DNAAF10: variants seen among roughly 807,000 people sequenced by gnomAD.
DNAAF10 encodes the protein dynein axonemal assembly factor 10.
Under a neutral mutation model 43.7 loss-of-function variants are expected in DNAAF10, and 28 were observed. The ratio of observed to expected loss-of-function variants is 0.64; its 90% CI spans 0.48 to 0.88. DNAAF10 has a LOEUF of 0.88. Among genes scored for constraint, DNAAF10 ranks in the 40% least tolerant of loss-of-function variants. DNAAF10 has a pLI of 0.00. For synonymous variants in DNAAF10, 156 were observed against 157.3 expected (o/e 0.99, Z 0.06); for missense variants, 403 against 439.1 (o/e 0.92, Z 0.73).
At chr2:68,137,458 T>G (rs371876103) in intron 5 of DNAAF10, 25 bp from the exon 6 acceptor site, 31 of 1,598,312 alleles carry the variant, frequency 1.9e-5, no homozygotes, top group South Asian at 1.8e-4. Context: ...TACTTATTAT[T>G]GGTAGTCTCA....
At chr2:68,131,861 C>T (rs1013542723) in intron 7 of DNAAF10, 3 of 190,934 alleles carry the variant, frequency 1.6e-5, no homozygotes, top group East Asian at 2.5e-4. Flanking sequence ...CTGTAAGTAA[C>T]ATTTGCAGAA....
At chr2:68,149,565 CAG>C (rs1365828045) in intron 1 of DNAAF10, among the ~76,000 whole-genome samples, 2 of 152,152 alleles carry the variant, frequency 1.3e-5, no homozygotes, top group Non-Finnish European at 2.9e-5. Flanking sequence ...TGGGGCAACA[CAG>C]AGGATCAAAA....
At chr2:68,149,174 G>A (rs571230508) in intron 1 of DNAAF10, among the ~76,000 whole-genome samples, 4 of 152,208 alleles carry the variant, frequency 2.6e-5, no homozygotes, top group South Asian at 2.1e-4. Context: ...CAATTTTCAC[G>A]AATAAAATAG....
At chr2:68,151,487 A>AT (rs1319373323) in intron 1 of DNAAF10, among the ~76,000 whole-genome samples, 8 of 152,200 alleles carry the variant, frequency 5.3e-5, no homozygotes, top group Non-Finnish European at 1.2e-4. Flanking sequence ...ATCATCCATT[A>AT]TACTTATCAA....
At chr2:68,153,171 T>A (rs1673496888) in intron 1 of DNAAF10, among the ~76,000 whole-genome samples, 1 of 152,074 alleles carries the variant, frequency 6.6e-6, no homozygotes, top group Admixed American at 6.5e-5. Flanking sequence ...GACACCTTTG[T>A]GTGGTGCAAA....
intron 1 of DNAAF10, among the ~76,000 whole-genome samples, chr2:68,155,491 C>T (rs1298385359): frequency 6.8e-6 from 1 of 148,126 alleles, no homozygotes; most frequent in African/African-American, 2.5e-5. Context: ...CAGACTCCGT[C>T]TCAAAAAAAA....
At chr2:68,138,690 G>C (rs568418076) in intron 5 of DNAAF10, 52 bp downstream of exon 5, 3 of 1,308,462 alleles carry the variant, frequency 2.3e-6, no homozygotes, top group Non-Finnish European at 3.3e-6. Flanking sequence ...ATAGTTCAGA[G>C]GTGAATGGAA....
chr2:68,134,394 C>G, intron 7 of DNAAF10: 1 of 1,104,280 alleles, frequency 9.1e-7, no homozygotes, highest in Non-Finnish European at 1.1e-6. Flanking sequence ...CTTTTAGAGG[C>G]AGTGAGTGTT....
intron 4 of DNAAF10, among the ~76,000 whole-genome samples, chr2:68,140,909 G>A (rs1319281999): frequency 6.6e-6 from 1 of 152,146 alleles, no homozygotes; most frequent in Non-Finnish European, 1.5e-5. Flanking sequence ...ATACAACAAT[G>A]ACTGACACAG....
chr2:68,134,369 G>A, intron 7 of DNAAF10: 1 of 1,076,972 alleles, frequency 9.3e-7, no homozygotes, highest in Non-Finnish European at 1.1e-6. Context: ...TTTAGGCAAG[G>A]AACCCTTTCC....
In DNAAF10 at chr2:68,157,373, C is replaced by T. The variant is rs773607630; in HGVS notation, c.71G>A (p.Cys24Tyr). 6.2e-7 allele frequency: 1 copy of T among 1,614,204 alleles called. No individual in the cohort carries two copies. Among genetic ancestry groups the T allele is most frequent in the South Asian group, 1.1e-5 (1 of 91,086 alleles). The change falls in exon 1 of 8, where the codon TGT becomes TAT. Residue 24 changes from cysteine (C) to tyrosine (Y), a missense_variant. Coordinates refer to ENST00000295121, the MANE Select transcript of DNAAF10 (RefSeq NM_138458.4). ...TTTGGCGCTGCAGGGCACCCACTTA[C>T]AGTCAAACACCGTGTAGTTGAAGCC... is the stretch of plus-strand genomic sequence containing the variant. ...QKGFNYTVFD[C>Y]KWVPCSAKFV...
rs1222517741 is a variant in DNAAF10, at chr2:68,129,891, A to C, written c.*1347T>G. 6.6e-6 allele frequency: 1 copy of C among 152,058 alleles called. No homozygotes were observed. Among genetic ancestry groups the C allele is most frequent in the Non-Finnish European group, 1.5e-5 (1 of 68,006 alleles). The allele number at this position is 152,058 out of a possible 1,614,324, so 9.4% of individuals were successfully genotyped here. ...TCTCAAAAACAGAAGTTTATTCATA[A>C]AATGCATTTTTAAAGTATGACCAAA... On this transcript the variant is annotated 3_prime_UTR_variant, in exon 8 of 8. Transcript: ENST00000295121.
At chr2:68,146,950 C>A (rs906456689) in intron 2 of DNAAF10, among the ~76,000 whole-genome samples, 5 of 151,990 alleles carry the variant, frequency 3.3e-5, no homozygotes, top group African/African-American at 7.2e-5. Flanking sequence ...AGGTAAAACA[C>A]GAAAAAGGCA....
chr2:68,155,620 G>T (rs1673578191), intron 1 of DNAAF10, among the ~76,000 whole-genome samples: 1 of 152,130 alleles, frequency 6.6e-6, no homozygotes. Context: ...TTGAGCCCAG[G>T]AGTTCCAGGC....
chr2:68,147,663 A>G, intron 1 of DNAAF10, 96 bp from the exon 2 acceptor site: 2 of 804,176 alleles, frequency 2.5e-6, no homozygotes, highest in Non-Finnish European at 3.6e-6. Context: ...TGGCATTTAA[A>G]TAAGACAATA....
chr2:68,135,969 C>A (rs62145931), intron 6 of DNAAF10, among the ~76,000 whole-genome samples: 43,445 of 151,770 alleles, frequency 0.29, 7,270 homozygotes, highest in South Asian at 0.52. Flanking sequence ...AATCCCAGCA[C>A]TTTGGGAGGC....
At chr2:68,156,097 G>A (rs1176069937) in intron 1 of DNAAF10, among the ~76,000 whole-genome samples, 1 of 72,018 alleles carries the variant, frequency 1.4e-5, no homozygotes, top group Admixed American at 2.2e-4. Context: ...TTGAGACCCT[G>A]TCTCAAAAAA....
chr2:68,144,757 A>G, intron 2 of DNAAF10, 42 bp from the exon 3 acceptor site: 7 of 1,573,698 alleles, frequency 4.4e-6, no homozygotes, highest in Non-Finnish European at 6.0e-6. Flanking sequence ...TATCCCAAAC[A>G]TATAAGTCTA....
chr2:68,151,571 AT>A (rs951853503), intron 1 of DNAAF10, among the ~76,000 whole-genome samples: 2 of 152,156 alleles, frequency 1.3e-5, no homozygotes, highest in Non-Finnish European at 2.9e-5. Flanking sequence ...GCCTTGCCTA[AT>A]TTTTTTAACG....
Sources: gnomAD v4.1 joint callset for allele counts (sites outside exome capture counted in the v4.1 genomes callset) on GRCh38, gnomAD v4.1.1 for gene constraint, MANE v1.5 for transcripts, NCBI Gene and HGNC (gene_info 2026-07-23, HGNC 2026-07-21) for gene names.